DGKI: variants seen among roughly 807,000 people sequenced by gnomAD.
DGKI encodes diacylglycerol kinase iota.
DGKI carries 55 observed loss-of-function variants against 147.5 expected under a neutral mutation model. The ratio of observed to expected loss-of-function variants is 0.37; its 90% CI spans 0.30 to 0.47. DGKI has a LOEUF of 0.47. Ranked by LOEUF, DGKI falls within the 20% of genes least tolerant of loss-of-function variation. DGKI has a pLI of 1.00. For synonymous variants in DGKI, 469 were observed against 477.1 expected (o/e 0.98, Z 0.22); for missense variants, 1,007 against 1,323.8 (o/e 0.76, Z 3.71).
chr7:137,449,765 T>C (rs1388423680), intron 27 of DGKI, among the ~76,000 whole-genome samples: 2 of 152,188 alleles, frequency 1.3e-5, no homozygotes, highest in South Asian at 2.1e-4. Context: ...TCAGCAATCA[T>C]AAGGTAAATA....
chr7:137,767,471 G>GGAAGGGAAGAGAAGA (rs1554474398), intron 1 of DGKI, among the ~76,000 whole-genome samples: 3 of 89,658 alleles, frequency 3.3e-5, no homozygotes, highest in East Asian at 3.7e-4. Flanking sequence ...AGAAGAGAAG[G>GGAAGGGAAGAGAAGA]GAAGAGAAGA....
At chr7:137,553,414 G>A (rs73451490) in intron 19 of DGKI, among the ~76,000 whole-genome samples, 2,515 of 152,144 alleles carry the variant, frequency 0.017, 72 homozygotes, top group African/African-American at 0.058. Flanking sequence ...AAAACACTCT[G>A]GAAAGCAAAG....
At chr7:137,457,498 G>A (rs1255189110) in intron 27 of DGKI, among the ~76,000 whole-genome samples, 2 of 152,162 alleles carry the variant, frequency 1.3e-5, no homozygotes, top group Non-Finnish European at 2.9e-5. Flanking sequence ...GACCAGAGGG[G>A]AATGATGTTG....
intron 6 of DGKI, among the ~76,000 whole-genome samples, chr7:137,639,129 T>C (rs1214532095): frequency 6.6e-6 from 1 of 152,214 alleles, no homozygotes; most frequent in African/African-American, 2.4e-5. Context: ...ATAGTCATTT[T>C]GATAAAATGT....
At chr7:137,429,522 G>C (rs2128910471) in intron 28 of DGKI, among the ~76,000 whole-genome samples, 1 of 150,030 alleles carries the variant, frequency 6.7e-6, no homozygotes, top group East Asian at 2.0e-4. Flanking sequence ...AACACCAAAA[G>C]CAATGGCAAC....
At position 137,821,650 on chromosome 7, in the gene DGKI, GA is replaced by G. The variant is rs760544126; in HGVS notation, c.401+24811del. ...TCAAGGAAATAAAAGACATACATCA[GA>G]AAAAAAAAAAAGAAAGAAAGAAAAG... On this transcript the variant is annotated intron_variant, in intron 1 of 32. Transcript: ENST00000614521. 6.7e-3 allele frequency among the ~76,000 whole-genome samples: 775 copies of G among 115,948 alleles called. 3 individuals carry two copies. The highest frequency in any genetic ancestry group is 9.6e-3 in the Non-Finnish European group (507 of 53,074). The allele number at this position is 115,948 out of a possible 152,430, so 76.1% of individuals were successfully genotyped here.
At chr7:137,417,554 A>T (rs1241364050) in intron 28 of DGKI, among the ~76,000 whole-genome samples, 1 of 152,196 alleles carries the variant, frequency 6.6e-6, no homozygotes, top group African/African-American at 2.4e-5. Flanking sequence ...GGATGTGCTC[A>T]GACATCCATG....
chr7:137,792,151 CA>C (rs1053140207), intron 1 of DGKI, among the ~76,000 whole-genome samples: 12 of 152,096 alleles, frequency 7.9e-5, no homozygotes, highest in South Asian at 2.1e-4. Flanking sequence ...GAAACACAGA[CA>C]GGGGGAGCCG....
chr7:137,676,577 A>T (rs1262927673), intron 3 of DGKI, among the ~76,000 whole-genome samples: 1 of 152,138 alleles, frequency 6.6e-6, no homozygotes, highest in African/African-American at 2.4e-5. Context: ...CATTTAACCA[A>T]CATTTTTTTG....
intron 3 of DGKI, among the ~76,000 whole-genome samples, 180 bp from the exon 4 acceptor site, chr7:137,656,720 C>T (rs1170068829): frequency 1.3e-5 from 2 of 152,112 alleles, no homozygotes; most frequent in Non-Finnish European, 2.9e-5. Flanking sequence ...CAAACTTTAT[C>T]AACAGTCTCT....
intron 31 of DGKI, chr7:137,396,038 C>CT (rs3217274): frequency 0.7 from 142,873 of 203,808 alleles, 51,178 homozygotes; most frequent in African/African-American, 0.88. Flanking sequence ...AAGCCATTCT[C>CT]TCTGTGCATA....
intron 3 of DGKI, among the ~76,000 whole-genome samples, chr7:137,677,159 A>G (rs1320819154): frequency 4.6e-5 from 7 of 152,250 alleles, no homozygotes; most frequent in Admixed American, 3.3e-4. Flanking sequence ...ACTTTAATTA[A>G]AAATACATAT....
At chr7:137,434,318 G>A (rs191267714) in intron 28 of DGKI, among the ~76,000 whole-genome samples, 8 of 152,156 alleles carry the variant, frequency 5.3e-5, no homozygotes, top group Non-Finnish European at 1.2e-4. Context: ...GGTGGCTCAT[G>A]CCTGTAATCC....
chr7:137,518,538 T>C (rs372804731), intron 21 of DGKI, among the ~76,000 whole-genome samples: 1 of 152,160 alleles, frequency 6.6e-6, no homozygotes, highest in South Asian at 2.1e-4. Context: ...TGTCAAACAC[T>C]GTATTTGATA....
Position 137,552,564 on chromosome 7 carries a change from G to A in DGKI, c.1952C>T (p.Ala651Val). 6.2e-7 allele frequency: 1 copy of A among 1,613,856 alleles called. No individual in the cohort carries two copies. Among genetic ancestry groups the A allele is most frequent in the Non-Finnish European group, 8.5e-7 (1 of 1,179,952 alleles). ...CTCTCCATGGCCCCCAACTTGCAGG[G>A]CTGCCTATAAAAACAAGAGTCAAAG... The part of the protein sequence containing the change: ...VIGFTMASLA[A>V]LQVGGHGERL... The change falls in exon 20 of 33, where the codon GCC becomes GTC. Residue 651 changes from alanine (A) to valine (V), a missense_variant. Physicochemically the swap from Ala to Val is moderately conservative, Grantham distance 64. Around this residue, in one of 5 missense-constraint regions of DGKI, gnomAD observed 224 missense variants for 382.7 expected, o/e 0.59. Coordinates refer to ENST00000614521, the MANE Select transcript of DGKI (RefSeq NM_001321708.2).
intron 1 of DGKI, among the ~76,000 whole-genome samples, chr7:137,838,451 A>G (rs1230620312): frequency 6.6e-6 from 1 of 152,138 alleles, no homozygotes; most frequent in African/African-American, 2.4e-5. Flanking sequence ...GCTTCCACAT[A>G]AGCTTATGTA....
At chr7:137,645,019 T>C (rs1243897606) in intron 6 of DGKI, among the ~76,000 whole-genome samples, 1 of 152,224 alleles carries the variant, frequency 6.6e-6, no homozygotes, top group Admixed American at 6.5e-5. Context: ...ATCTCTTCCA[T>C]GAACTGGATA....
At chr7:137,646,624 C>T (rs1159340380) in intron 5 of DGKI, among the ~76,000 whole-genome samples, 1 of 152,212 alleles carries the variant, frequency 6.6e-6, no homozygotes, top group African/African-American at 2.4e-5. Flanking sequence ...CCCTAAAGTA[C>T]TCATTGTTTT....
chr7:137,402,414 A>G (rs539527782), intron 30 of DGKI, among the ~76,000 whole-genome samples: 33 of 152,328 alleles, frequency 2.2e-4, no homozygotes, highest in Non-Finnish European at 8.8e-5. Context: ...AGGAAGCAAA[A>G]CTTCACAAAT....
Sources: allele counts gnomAD v4.1 joint callset (sites outside exome capture counted in the v4.1 genomes callset), GRCh38; gene constraint gnomAD v4.1.1; regional missense constraint gnomAD v4.1.1; transcripts MANE v1.5; gene names NCBI Gene and HGNC (gene_info 2026-07-23, HGNC 2026-07-21).